CAPN2: variants seen among roughly 807,000 people sequenced by gnomAD.
The protein encoded by CAPN2 is calpain 2.
CAPN2 carries 92 observed loss-of-function variants against 102.3 expected under a neutral mutation model. That is an observed-to-expected ratio of 0.90 (90% CI 0.76 to 1.07). The LOEUF is 1.07. CAPN2 is among the 50% of genes least tolerant of loss of function. The probability of loss-of-function intolerance (pLI) is 0.00; values close to 1 mark genes in which losing one functional copy is unlikely to be tolerated. For missense variants in CAPN2, 800 were observed against 909.4 expected (o/e 0.88, Z 1.55); for synonymous variants, 340 against 355.4 (o/e 0.96, Z 0.49).
At chr1:223,738,818 G>T (rs758949264) in intron 2 of CAPN2, among the ~76,000 whole-genome samples, 7 of 152,274 alleles carry the variant, frequency 4.6e-5, no homozygotes, top group African/African-American at 9.6e-5. Flanking sequence ...GATTCTAGCA[G>T]TGAAAGTGGT....
At chr1:223,774,714 TA>T (rs1661568963) in intron 20 of CAPN2, 119 bp from the exon 21 acceptor site, 4 of 823,286 alleles carry the variant, frequency 4.9e-6, no homozygotes, top group Non-Finnish European at 8.4e-6. Flanking sequence ...AGTGCACTGA[TA>T]TTGTAGCCCT....
At chr1:223,751,197 C>G (rs1031298263) in intron 7 of CAPN2, among the ~76,000 whole-genome samples, 1 of 152,210 alleles carries the variant, frequency 6.6e-6, no homozygotes, top group Non-Finnish European at 1.5e-5. Flanking sequence ...CCCCAAGCTG[C>G]TCGTGTGAAG....
At chr1:223,702,585 ATC>A (rs919442663) in intron 1 of CAPN2, among the ~76,000 whole-genome samples, 2 of 152,202 alleles carry the variant, frequency 1.3e-5, no homozygotes, top group Non-Finnish European at 2.9e-5. Context: ...AAAAATTACT[ATC>A]TCTAAGTCCA....
intron 6 of CAPN2, 33 bp from the exon 7 acceptor site, chr1:223,750,857 C>A (rs1420658776): frequency 6.5e-7 from 1 of 1,544,832 alleles, no homozygotes; most frequent in Admixed American, 2.0e-5. Context: ...TTGAACTCAA[C>A]CTCTTACTCC....
intron 9 of CAPN2, among the ~76,000 whole-genome samples, chr1:223,753,329 C>T (rs1660953587): frequency 6.6e-6 from 1 of 152,340 alleles, no homozygotes. Flanking sequence ...ATGCACCCCA[C>T]ACCCAGGCAG....
Position 223,749,111 on chromosome 1 carries a change from G to A in CAPN2, c.802G>A (p.Gly268Arg). Residue 268 changes from glycine (G) to arginine (R), a missense_variant, in exon 6 of 21, where the codon GGA (glycine) becomes AGA (arginine). Gly to Arg is a moderately radical substitution (Grantham distance 125). Coordinates refer to ENST00000295006, the MANE Select transcript of CAPN2 (RefSeq NM_001748.5). ...GAAGGGGCACGCGTACTCGGTCACC[G>A]GAGCCGAGGAGGTAACGGCCGGCGC... ...LVKGHAYSVTGAEEVESNGSL... is the reference protein window; with the variant it reads ...LVKGHAYSVTRAEEVESNGSL... 4 of 1,613,922 alleles carry A rather than the reference G, an allele frequency of 2.5e-6. No individual in the cohort carries two copies. The highest frequency in any genetic ancestry group is 3.4e-6 in the Non-Finnish European group (4 of 1,179,802).
In CAPN2 at chr1:223,733,877, C is replaced by T. The variant is rs1030089646; in HGVS notation, c.308-10223C>T. Among the ~76,000 whole-genome samples, 4 of 152,198 alleles carry T rather than the reference C, an allele frequency of 2.6e-5. No individual in the cohort carries two copies. The South Asian group carries it at 8.3e-4, about 32-fold the overall frequency. Reference sequence around the variant, plus strand: ...CTTTGAACAAATGAGCAAATGAATACAGGAATGCTCATCTGCCATAGGCAC... The same window carrying T: ...CTTTGAACAAATGAGCAAATGAATATAGGAATGCTCATCTGCCATAGGCAC... On this transcript the variant is annotated intron_variant, in intron 2 of 20. Transcript: ENST00000295006.
intron 4 of CAPN2, among the ~76,000 whole-genome samples, chr1:223,746,480 T>TTTTTTTC (rs1660752538): frequency 6.8e-6 from 1 of 146,486 alleles, no homozygotes; most frequent in African/African-American, 2.7e-5. Context: ...AGAATCTTTT[T>TTTTTTTC]TTTTTTTTTT....
rs1171198275 is a variant in CAPN2 at position 223,712,874 on chromosome 1, C to T, written c.234C>T (p.Pro78=). ...SKTRGIEWKR[P]TEICADPQFI... Reference sequence around the variant, plus strand: ...CCCGGGGCATCGAGTGGAAGCGCCCCACGGTAGGAAGCGCGCGGCAGGACG... The same window carrying T: ...CCCGGGGCATCGAGTGGAAGCGCCCTACGGTAGGAAGCGCGCGGCAGGACG... The change falls in exon 1 of 21, where the codon CCC becomes CCT. Residue 78 remains proline (P), a synonymous_variant. Coordinates refer to ENST00000295006, the MANE Select transcript of CAPN2 (RefSeq NM_001748.5). 2.0e-6 allele frequency: 3 copies of T among 1,528,898 alleles called. No individual in the cohort carries two copies. Among genetic ancestry groups the T allele is most frequent in the African/African-American group, 2.8e-5 (2 of 70,308 alleles). The allele number at this position is 1,528,898 out of a possible 1,614,324, so 94.7% of individuals were successfully genotyped here.
rs1661030741 is a variant in CAPN2, at chr1:223,756,143, CCCTACACAGACT to C, written c.1305+498_1305+509del. On this transcript the variant is annotated intron_variant, in intron 10 of 20. Coordinates refer to ENST00000295006, the MANE Select transcript of CAPN2 (RefSeq NM_001748.5). This position sits in a 1 kb window ranked among gnomAD's most constrained non-coding sequence, Gnocchi z 4.1. ...GGGCTCTGATGGCTGGAGCCCAGAT[CCCTACACAGACT>C]CCTGCTGTATGCGTGTTTTCCTTTC... Among the ~76,000 whole-genome samples, 1 of 152,160 alleles carries C rather than the reference CCCTACACAGACT, an allele frequency of 6.6e-6. No individual in the cohort carries two copies. The highest frequency in any genetic ancestry group is 6.5e-5 in the Admixed American group (1 of 15,276).
At chr1:223,773,773 A>G (rs1661543162) in intron 20 of CAPN2, among the ~76,000 whole-genome samples, 1 of 151,972 alleles carries the variant, frequency 6.6e-6, no homozygotes, top group South Asian at 2.1e-4. Flanking sequence ...GGAGAATCAC[A>G]TGAACCTAGG....
intron 1 of CAPN2, among the ~76,000 whole-genome samples, chr1:223,704,175 C>A (rs1011081860): frequency 1.1e-4 from 16 of 152,066 alleles, no homozygotes; most frequent in Non-Finnish European, 1.9e-4. Flanking sequence ...CCTGTAATCC[C>A]AGCTACTCAG....
At position 223,727,671 on chromosome 1, in the gene CAPN2, G is replaced by A. The variant is rs115070130; in HGVS notation, c.307+9840G>A. On this transcript the variant is annotated intron_variant, in intron 2 of 20. Coordinates refer to ENST00000295006, the MANE Select transcript of CAPN2 (RefSeq NM_001748.5). The surrounding 1 kb of genome is among the most constrained non-coding windows in gnomAD (Gnocchi z 4.1). ...AGCATTGCTTCAATCTAATCCAGCC[G>A]CAAGTATGAGTAAATACTGTAGGAA... Among the ~76,000 whole-genome samples the A allele has an allele frequency of 2.1e-4, 32 of 152,266 alleles. No homozygotes were observed. Among genetic ancestry groups the A allele is most frequent in the African/African-American group, 7.5e-4 (31 of 41,538 alleles).
At position 223,727,560 on chromosome 1, in the gene CAPN2, G is replaced by A. The variant is rs1660230775; in HGVS notation, c.307+9729G>A. ...ACACAGAATGCCATTTGGGGAGCCTGGTGCAAGGGAGTGGCCGGATGGGAG... is the reference window on the plus strand; with the variant it reads ...ACACAGAATGCCATTTGGGGAGCCTAGTGCAAGGGAGTGGCCGGATGGGAG... On this transcript the variant is annotated intron_variant, in intron 2 of 20. Coordinates refer to ENST00000295006, the MANE Select transcript of CAPN2 (RefSeq NM_001748.5). The surrounding 1 kb of genome is among the most constrained non-coding windows in gnomAD (Gnocchi z 4.1). Among the ~76,000 whole-genome samples the A allele has an allele frequency of 6.6e-6, 1 of 152,198 alleles. No homozygotes were observed. The highest frequency in any genetic ancestry group is 2.4e-5 in the African/African-American group (1 of 41,446).
intron 18 of CAPN2, 105 bp downstream of exon 18, chr1:223,770,630 T>G: frequency 1.3e-6 from 1 of 745,370 alleles, no homozygotes; most frequent in Non-Finnish European, 2.2e-6. Flanking sequence ...AGCTATAAAA[T>G]AAAGTAGGTG....
At chr1:223,769,369 C>A (rs918467675) in intron 16 of CAPN2, among the ~76,000 whole-genome samples, 2 of 152,124 alleles carry the variant, frequency 1.3e-5, no homozygotes, top group African/African-American at 2.4e-5. Context: ...GATCTGCCCA[C>A]CTTGGCCTCC....
At chr1:223,762,481 G>A (rs1661214826) in intron 14 of CAPN2, among the ~76,000 whole-genome samples, 1 of 152,164 alleles carries the variant, frequency 6.6e-6, no homozygotes, top group African/African-American at 2.4e-5. Context: ...CTGACTCTGT[G>A]TTCCTCCTTC....
At chr1:223,757,674 G>C (rs1404800656) in intron 11 of CAPN2, 1 of 487,722 alleles carries the variant, frequency 2.1e-6, no homozygotes, top group Non-Finnish European at 3.7e-6. Context: ...GACTGCAGGA[G>C]GCTTTTCACA....
At chr1:223,742,496 G>GTATATA (rs1558068498) in intron 2 of CAPN2, among the ~76,000 whole-genome samples, 1 of 105,294 alleles carries the variant, frequency 9.5e-6, no homozygotes, top group African/African-American at 3.5e-5. Context: ...ATATATATGT[G>GTATATA]TGTATATATA....
Sources: gnomAD v4.1 joint callset for allele counts (sites outside exome capture counted in the v4.1 genomes callset) on GRCh38, gnomAD v4.1.1 for gene constraint, Gnocchi (gnomAD v3.1) non-coding constraint, MANE v1.5 for transcripts, NCBI Gene and HGNC (gene_info 2026-07-23, HGNC 2026-07-21) for gene names.